USP1: variants seen among roughly 807,000 people sequenced by gnomAD.
The protein encoded by USP1 is ubiquitin carboxyl-terminal hydrolase 1.
In USP1, 18 loss-of-function variants were observed where a neutral mutation model predicts 72.2. That is an observed-to-expected ratio of 0.25 (90% confidence interval 0.17 to 0.37). The LOEUF (loss-of-function observed/expected upper bound fraction) is 0.37. Among genes scored for constraint, USP1 ranks in the 10% least tolerant of loss-of-function variants. USP1 has a pLI of 1.00. For synonymous variants in USP1, 354 were observed against 303.7 expected (o/e 1.17, Z -1.72); for missense variants, 759 against 884.9 (o/e 0.86, Z 1.81).
intron 7 of USP1, among the ~76,000 whole-genome samples, chr1:62,448,208 C>T (rs1645189731): frequency 6.6e-6 from 1 of 152,154 alleles, no homozygotes; most frequent in Non-Finnish European, 1.5e-5. Flanking sequence ...TGAAAGTTGG[C>T]AATTAAATGT....
intron 8 of USP1, 50 bp downstream of exon 8, chr1:62,448,716 G>A (rs775778802): frequency 6.4e-7 from 1 of 1,553,778 alleles, no homozygotes; most frequent in Admixed American, 1.7e-5. Flanking sequence ...TGCTGTAGAA[G>A]ATAAGTCTTG....
chr1:62,450,299 C>T lies in USP1; in HGVS notation c.1676C>T (p.Pro559Leu), dbSNP rs1645205217. 4 of 1,613,938 alleles carry T rather than the reference C, an allele frequency of 2.5e-6. No homozygotes were observed. Among genetic ancestry groups the T allele is most frequent in the Non-Finnish European group, 3.4e-6 (4 of 1,180,016 alleles). The change falls in exon 9 of 9, where the codon CCT (proline) becomes CTT (leucine). Residue 559 changes from proline to leucine, a missense_variant. Physicochemically the swap from Pro to Leu is moderately conservative, Grantham distance 98. This residue lies in a region of USP1 where 140 missense variants were observed against 222.8 expected (regional missense o/e 0.63). Coordinates refer to ENST00000339950, the MANE Select transcript of USP1 (RefSeq NM_003368.5). ...LSKINTPLLT[P>L]LKLSLEEWST... ...AAGATCAACACTCCTTTATTGACAC[C>T]TCTTAAATTGTCACTAGAAGAATGG...
chr1:62,443,811 C>T (rs900779724), intron 5 of USP1, among the ~76,000 whole-genome samples: 3 of 152,140 alleles, frequency 2.0e-5, no homozygotes, highest in Non-Finnish European at 4.4e-5. Flanking sequence ...TGTTGGCTAA[C>T]TGGATTAGAT....
intron 6 of USP1, 115 bp downstream of exon 6, chr1:62,445,544 A>G (rs1301472217): frequency 1.0e-6 from 1 of 994,532 alleles, no homozygotes; most frequent in East Asian, 2.7e-5. Flanking sequence ...TTTCAAGAGA[A>G]GGAAATTTAA....
At position 62,443,020 on chromosome 1, in the gene USP1, G is replaced by A; in HGVS notation, c.397-139G>A. 5.6e-6 allele frequency: 5 copies of A among 892,592 alleles called. No individual in the cohort carries two copies. The South Asian group carries it at 8.2e-5, about 15-fold the overall frequency. 55.3% of individuals were successfully genotyped at this position (892,592 alleles called of 1,614,324 possible). On this transcript the variant is annotated intron_variant, in intron 4 of 8. Transcript: ENST00000339950. ...CTCAAAATAAAAAAATAAAAAATAAGGCTTATTTGTACATCCCTTAAAATT... is the reference window on the plus strand; with the variant it reads ...CTCAAAATAAAAAAATAAAAAATAAAGCTTATTTGTACATCCCTTAAAATT...
Position 62,450,886 on chromosome 1 carries a change from G to A in USP1, c.2263G>A (p.Val755Ile). ...GKWLLFDDSEVKVTEEKDFLN... is the reference protein window; with the variant it reads ...GKWLLFDDSEIKVTEEKDFLN... ...GTGGTTGCTTTTTGATGATTCTGAAGTCAAAGTTACTGAAGAGAAGGACTT... is the reference window on the plus strand; with the variant it reads ...GTGGTTGCTTTTTGATGATTCTGAAATCAAAGTTACTGAAGAGAAGGACTT... The change falls in exon 9 of 9, where the codon GTC becomes ATC. Residue 755 changes from valine (V) to isoleucine (I), a missense_variant. Around this residue, in one of 9 missense-constraint regions of USP1, gnomAD observed 7 missense variants for 24.0 expected, o/e 0.29. Coordinates refer to ENST00000339950, the MANE Select transcript of USP1 (RefSeq NM_003368.5). The A allele has an allele frequency of 6.2e-7, 1 of 1,614,000 alleles. No individual in the cohort carries two copies. The highest frequency in any genetic ancestry group is 8.5e-7 in the Non-Finnish European group (1 of 1,179,964).
chr1:62,444,493 C>T (rs1269081151), intron 5 of USP1, among the ~76,000 whole-genome samples: 1 of 151,974 alleles, frequency 6.6e-6, no homozygotes. Context: ...GTATGGTAAG[C>T]ATTATCTAAG....
Position 62,441,515 on chromosome 1 carries a change from T to C in USP1, c.198T>C (p.Ser66=), listed in dbSNP as rs1009444461. 1.9e-6 allele frequency: 3 copies of C among 1,612,888 alleles called. No individual in the cohort carries two copies. The African/African-American group carries it at 4.0e-5, about 22-fold the overall frequency. The change falls in exon 3 of 9, where the codon TCT becomes TCC. Residue 66 remains serine (S), a synonymous_variant. Transcript: ENST00000339950. ...EIDQVVPAAQ[S]SPINCEKREN... is the part of the protein sequence containing the mutation. The stretch of plus-strand genomic sequence containing the variant: ...ATCAAGTTGTTCCTGCAGCACAGTC[T>C]TCACCTATAAACTGTGAGAAGAGAG...
chr1:62,445,099 A>G lies in USP1; in HGVS notation c.919A>G (p.Thr307Ala), dbSNP rs536162897. The G allele has an allele frequency of 2.1e-5, 34 of 1,613,134 alleles. No individual in the cohort carries two copies. Among genetic ancestry groups the G allele is most frequent in the Non-Finnish European group, 2.6e-5 (31 of 1,179,804 alleles). ...ACAAACTAGATCAAAAAGAAAAGCT[A>G]CAAGTGATACATTAGAGAGTCCTCC... is the stretch of plus-strand genomic sequence containing the variant. Reference protein sequence around the residue: ...QRQTRSKRKATSDTLESPPKI... With the variant: ...QRQTRSKRKAASDTLESPPKI... Residue 307 changes from threonine (T) to alanine (A), a missense_variant, in exon 6 of 9, where the codon ACA becomes GCA. Around this residue, in one of 9 missense-constraint regions of USP1, gnomAD observed 245 missense variants for 240.7 expected, o/e 1.02. Coordinates refer to ENST00000339950, the MANE Select transcript of USP1 (RefSeq NM_003368.5).
At chr1:62,448,758 T>A in intron 8 of USP1, 92 bp downstream of exon 8, 1 of 1,280,418 alleles carries the variant, frequency 7.8e-7, no homozygotes, top group Non-Finnish European at 1.1e-6. Flanking sequence ...GAATATAAAG[T>A]ACTGAAATGA....
chr1:62,444,089 C>T (rs748016750), intron 5 of USP1, among the ~76,000 whole-genome samples: 1 of 151,630 alleles, frequency 6.6e-6, no homozygotes, highest in Admixed American at 6.6e-5. Flanking sequence ...TGAAACCCTG[C>T]CCCTACTAAA....
At chr1:62,439,738 G>T in intron 1 of USP1, 61 bp from the exon 2 acceptor site, 4 of 779,446 alleles carry the variant, frequency 5.1e-6, no homozygotes, top group South Asian at 5.2e-5. Context: ...TTTCAAAATT[G>T]ATGATTTTGT....
chr1:62,442,416 A>AGCG, intron 4 of USP1, 117 bp downstream of exon 4: 1 of 719,386 alleles, frequency 1.4e-6, no homozygotes, highest in South Asian at 2.0e-5. Context: ...TTTCTCTGTT[A>AGCG]GCGAGCTATT....
Position 62,451,141 on chromosome 1 carries a change from C to G in USP1, c.*160C>G, listed in dbSNP as rs1645214104. 1 of 767,464 alleles carries G rather than the reference C, an allele frequency of 1.3e-6. No individual in the cohort carries two copies. Among genetic ancestry groups the G allele is most frequent in the Admixed American group, 3.7e-5 (1 of 26,944 alleles). 47.5% of individuals were successfully genotyped at this position (767,464 alleles called of 1,614,324 possible). ...TAGTGAAATTTGAATTACTGAAAAC[C>G]ATGTTAATTTTTAGAACTCATTTTC... On this transcript the variant is annotated 3_prime_UTR_variant, in exon 9 of 9. Coordinates refer to ENST00000339950, the MANE Select transcript of USP1 (RefSeq NM_003368.5).
intron 5 of USP1, 22 bp downstream of exon 5, chr1:62,443,341 T>C (rs1645146394): frequency 6.4e-7 from 1 of 1,565,566 alleles, no homozygotes; most frequent in African/African-American, 1.4e-5. Flanking sequence ...AATATAATTT[T>C]AGGGTTTCAA....
chr1:62,439,490 T>A (rs1157372979), intron 1 of USP1, among the ~76,000 whole-genome samples: 1 of 152,216 alleles, frequency 6.6e-6, no homozygotes, highest in Non-Finnish European at 1.5e-5. Context: ...GCCCTTGAAA[T>A]AATAAGTTTT....
At position 62,444,782 on chromosome 1, in the gene USP1, AG is replaced by A. The variant is rs1645158164; in HGVS notation, c.604del (p.Glu202LysfsTer17). 6.2e-7 allele frequency: 1 copy of A among 1,610,686 alleles called. No individual in the cohort carries two copies. The highest frequency in any genetic ancestry group is 1.7e-5 in the Admixed American group (1 of 59,406). ...MYEGYLQHDA[Q>X]EVLQCILGNI... The stretch of plus-strand genomic sequence containing the variant: ...GAAGGATATCTACAGCATGATGCAC[AG>A]GAAGTATTACAATGTATTTTGGGAA... On this transcript the variant is annotated frameshift_variant, in exon 6 of 9. Transcript: ENST00000339950. LOFTEE classifies it high-confidence loss of function.
At chr1:62,447,294 TG>T in intron 6 of USP1, 46 bp from the exon 7 acceptor site, 1 of 1,536,350 alleles carries the variant, frequency 6.5e-7, no homozygotes, top group Non-Finnish European at 8.8e-7. Context: ...TGGACTATAA[TG>T]AGAAACTAAT....
intron 8 of USP1, among the ~76,000 whole-genome samples, chr1:62,449,667 G>C (rs547340525): frequency 3.0e-4 from 46 of 152,210 alleles, no homozygotes; most frequent in African/African-American, 1.1e-3. Context: ...TGTAATCCTA[G>C]CACTTTGGGA....
Sources: gnomAD v4.1 joint callset for allele counts (sites outside exome capture counted in the v4.1 genomes callset) on GRCh38, gnomAD v4.1.1 for gene constraint, gnomAD v4.1.1 regional missense constraint, MANE v1.5 for transcripts, NCBI Gene and HGNC (gene_info 2026-07-23, HGNC 2026-07-21) for gene names.